The following ZNF451 variants were observed in gnomAD, a reference collection of about 807,000 sequenced individuals.
ZNF451 encodes the protein zinc finger protein 451.
Under a neutral mutation model 107.1 loss-of-function variants are expected in ZNF451, and 80 were observed. That is an observed-to-expected ratio of 0.75 (90% CI 0.62 to 0.90). The LOEUF is 0.90. Among genes scored for constraint, ZNF451 ranks in the 40% least tolerant of loss-of-function variants. The pLI is 0.00. For missense variants in ZNF451, 1,107 were observed against 1,236.2 expected (o/e 0.90, Z 1.57); for synonymous variants, 362 against 406.5 (o/e 0.89, Z 1.32).
chr6:57,109,099 C>G, intron 3 of ZNF451: 1 of 985,386 alleles, frequency 1.0e-6, no homozygotes, highest in Admixed American at 6.1e-5. Flanking sequence ...TAACTAATTC[C>G]TGATTATTTC....
chr6:57,153,621 C>G (rs1832450958), intron 12 of ZNF451, among the ~76,000 whole-genome samples: 1 of 152,038 alleles, frequency 6.6e-6, no homozygotes. Flanking sequence ...CCATGTTGGC[C>G]GGGCTGGTCT....
In ZNF451 at chr6:57,133,112, T is replaced by G; in HGVS notation, c.495T>G (p.Ser165=). ...GAAGAGGAGGCCACACGTGGGTGTC[T>G]GGGAAACCAATTTTATGTCCTATAA... ...SFRRGGHTWV[S]GKPILCPIMH... The change falls in exon 6 of 15, where the codon TCT becomes TCG. Residue 165 remains serine (S), a synonymous_variant. Transcript: ENST00000370706. 6.2e-7 allele frequency: 1 copy of G among 1,614,160 alleles called. No homozygotes were observed.
intron 3 of ZNF451, among the ~76,000 whole-genome samples, chr6:57,123,609 G>A (rs1322964951): frequency 6.6e-6 from 1 of 151,736 alleles, no homozygotes; most frequent in Non-Finnish European, 1.5e-5. Flanking sequence ...GCCAAACTTC[G>A]GCACCATGCA....
At chr6:57,107,517 A>G in intron 3 of ZNF451, 1 of 984,582 alleles carries the variant, frequency 1.0e-6, no homozygotes, top group South Asian at 4.7e-5. Context: ...ACATGTTCAC[A>G]CAAGTTTATT....
chr6:57,122,301 C>G (rs907830548), intron 3 of ZNF451, among the ~76,000 whole-genome samples: 1 of 152,136 alleles, frequency 6.6e-6, no homozygotes, highest in Admixed American at 6.6e-5. Context: ...AAATACTCTT[C>G]TAGACATTGA....
At chr6:57,107,636 A>G (rs1829926738) in intron 3 of ZNF451, 6 of 985,228 alleles carry the variant, frequency 6.1e-6, no homozygotes, top group Non-Finnish European at 7.2e-6. Flanking sequence ...TTTTCCGTAG[A>G]TGTTAAGGGC....
At position 57,124,860 on chromosome 6, in the gene ZNF451, G is replaced by A. The variant is rs1333368621; in HGVS notation, c.312+1G>A. 6.4e-7 allele frequency: 1 copy of A among 1,561,620 alleles called. No individual in the cohort carries two copies. Among genetic ancestry groups the A allele is most frequent in the Admixed American group, 1.9e-5 (1 of 53,492 alleles). On this transcript the variant is annotated splice_donor_variant, in intron 4 of 14. Coordinates refer to ENST00000370706, the MANE Select transcript of ZNF451 (RefSeq NM_001031623.3). LOFTEE classifies it high-confidence loss of function. ...AGAAGAGAAGAATAGAGCATTCAGA[G>A]TATGTGCTATTTTAATTGGTATTTT...
At chr6:57,119,915 A>G (rs557648565) in intron 3 of ZNF451, among the ~76,000 whole-genome samples, 1 of 151,284 alleles carries the variant, frequency 6.6e-6, no homozygotes, top group East Asian at 1.9e-4. Context: ...CCTGTATGTT[A>G]ATGTGAGCTT....
At position 57,152,244 on chromosome 6, in the gene ZNF451, C is replaced by T. The variant is rs536946478; in HGVS notation, c.2776C>T (p.Pro926Ser). The change falls in exon 12 of 15, where the codon CCG becomes TCG. Residue 926 changes from proline to serine, a missense_variant. Pro to Ser is a moderately conservative substitution (Grantham distance 74). Coordinates refer to ENST00000370706, the MANE Select transcript of ZNF451 (RefSeq NM_001031623.3). ...AGGAGGAAACACCAATTGGAAGCCT[C>T]CGCTCAACTGTAAGATTTATAACTA... ...FQGGNTNWKPPLNCKIYNYLN... is the reference protein window; with the variant it reads ...FQGGNTNWKPSLNCKIYNYLN... 1.2e-5 allele frequency: 19 copies of T among 1,613,430 alleles called. No individual in the cohort carries two copies. The highest frequency in any genetic ancestry group is 2.2e-5 in the East Asian group (1 of 44,838).
intron 3 of ZNF451, among the ~76,000 whole-genome samples, chr6:57,118,930 T>C (rs1055785159): frequency 1.3e-5 from 2 of 152,216 alleles, no homozygotes; most frequent in Admixed American, 6.5e-5. Flanking sequence ...ACCTACTACC[T>C]GGGTGCAAGG....
chr6:57,137,244 C>T (rs552785021), intron 7 of ZNF451, among the ~76,000 whole-genome samples: 4 of 152,194 alleles, frequency 2.6e-5, no homozygotes, highest in African/African-American at 4.8e-5. Context: ...GTATAAGCCT[C>T]GCTGTTTTTT....
Position 57,106,768 on chromosome 6 carries a change from A to G in ZNF451, c.186+7627A>G, listed in dbSNP as rs1829883889. Reference sequence around the variant, plus strand: ...TGTATGCATCTTATGCATGTGATTCAATAGACTAGATCGATTCTGTGTGGT... The same window carrying G: ...TGTATGCATCTTATGCATGTGATTCGATAGACTAGATCGATTCTGTGTGGT... On this transcript the variant is annotated intron_variant, in intron 3 of 14. Coordinates refer to ENST00000370706, the MANE Select transcript of ZNF451 (RefSeq NM_001031623.3). 23 of 985,190 alleles carry G rather than the reference A, an allele frequency of 2.3e-5. No individual in the cohort carries two copies. In the South Asian group the frequency reaches 1.1e-3, roughly 46 times the overall value. The allele number at this position is 985,190 out of a possible 1,614,324, so 61.0% of individuals were successfully genotyped here.
chr6:57,128,862 A>G (rs755924456), intron 5 of ZNF451, 22 bp downstream of exon 5: 2 of 1,556,972 alleles, frequency 1.3e-6, no homozygotes, highest in African/African-American at 1.4e-5. Flanking sequence ...AAATTACACT[A>G]AGGTTACCTA....
chr6:57,151,113 G>C (rs192975464), intron 11 of ZNF451: 177 of 331,428 alleles, frequency 5.3e-4, no homozygotes, highest in African/African-American at 3.4e-3. Context: ...TGTAATCCCA[G>C]AACTTTGGAA....
chr6:57,108,531 A>G (rs1291779472), intron 3 of ZNF451: 2 of 985,144 alleles, frequency 2.0e-6, no homozygotes, highest in Non-Finnish European at 2.4e-6. Context: ...TTTTTTTTAC[A>G]TATTTAATTT....
At chr6:57,108,730 T>TC in intron 3 of ZNF451, 1 of 985,444 alleles carries the variant, frequency 1.0e-6, no homozygotes. Flanking sequence ...TGTTTAATTG[T>TC]CATCTTCCTG....
At position 57,148,465 on chromosome 6, in the gene ZNF451, T is replaced by C; in HGVS notation, c.2380T>C (p.Cys794Arg). 1 of 1,614,040 alleles carries C rather than the reference T, an allele frequency of 6.2e-7. No homozygotes were observed. Among genetic ancestry groups the C allele is most frequent in the Non-Finnish European group, 8.5e-7 (1 of 1,179,956 alleles). ...GCAGTATGTAATCAAGTGTGGCACC[T>C]GCACCAAAGCATTTCATGATCCTGA... is the stretch of plus-strand genomic sequence containing the variant. ...EQQYVIKCGT[C>R]TKAFHDPESA... Residue 794 changes from cysteine (C) to arginine (R), a missense_variant, in exon 10 of 15, where the codon TGC (cysteine) becomes CGC (arginine). Physicochemically the swap from Cys to Arg is radical, Grantham distance 180. Around this residue, in one of 5 missense-constraint regions of ZNF451, gnomAD observed 608 missense variants for 649.2 expected, o/e 0.94. Coordinates refer to ENST00000370706, the MANE Select transcript of ZNF451 (RefSeq NM_001031623.3).
chr6:57,132,322 C>G (rs909415840), intron 5 of ZNF451, among the ~76,000 whole-genome samples: 1 of 152,186 alleles, frequency 6.6e-6, no homozygotes, highest in Non-Finnish European at 1.5e-5. Flanking sequence ...TCCTCTCTAC[C>G]CCAGTTACAT....
intron 7 of ZNF451, 90 bp downstream of exon 7, chr6:57,134,960 A>G (rs1450997250): frequency 3.8e-5 from 39 of 1,026,032 alleles, no homozygotes; most frequent in Non-Finnish European, 5.4e-5. Context: ...TAAGCTTGCA[A>G]TTACCAGTGA....
Sources: allele counts gnomAD v4.1 joint callset (sites outside exome capture counted in the v4.1 genomes callset), GRCh38; gene constraint gnomAD v4.1.1; regional missense constraint gnomAD v4.1.1; transcripts MANE v1.5; gene names NCBI Gene and HGNC (gene_info 2026-07-23, HGNC 2026-07-21).